The following AIM2 variants were observed in gnomAD, a reference collection of about 807,000 sequenced individuals.
The protein encoded by AIM2 is absent in melanoma 2.
AIM2 carries 30 observed loss-of-function variants against 27.7 expected under a neutral mutation model. The observed-to-expected ratio is 1.08, with a 90% confidence interval of 0.81 to 1.47. The LOEUF (loss-of-function observed/expected upper bound fraction) is 1.47, where lower values mean the gene tolerates loss of function less well. Among genes scored for constraint, AIM2 ranks in the 40% most tolerant of loss-of-function variants. AIM2 has a pLI of 0.00. For missense variants in AIM2, 358 were observed against 411.3 expected (o/e 0.87, Z 1.12); for synonymous variants, 141 against 145.3 (o/e 0.97, Z 0.21).
intron 1 of AIM2, among the ~76,000 whole-genome samples, chr1:159,137,785 G>A (rs989395450): frequency 5.3e-5 from 8 of 152,156 alleles, no homozygotes; most frequent in African/African-American, 1.2e-4. Context: ...AAAGTACTGC[G>A]CATTTTGCAA....
intron 1 of AIM2, among the ~76,000 whole-genome samples, chr1:159,095,531 T>C (rs1322349326): frequency 6.6e-6 from 1 of 152,220 alleles, no homozygotes; most frequent in Non-Finnish European, 1.5e-5. Flanking sequence ...TTTCCCCAGC[T>C]ACGTGCTCAA....
intron 1 of AIM2, chr1:159,146,996 T>A (rs967782937): frequency 6.6e-6 from 1 of 152,256 alleles, no homozygotes; most frequent in African/African-American, 2.4e-5. Context: ...CAGCACCAGA[T>A]TCCTGAGGCT....
chr1:159,111,515 A>G (rs894770033), intron 1 of AIM2, among the ~76,000 whole-genome samples: 1 of 152,202 alleles, frequency 6.6e-6, no homozygotes, highest in East Asian at 1.9e-4. Context: ...TTACACAAAA[A>G]AACTACATCC....
intron 1 of AIM2, among the ~76,000 whole-genome samples, chr1:159,075,095 C>T (rs879733386): frequency 5.9e-5 from 9 of 151,846 alleles, no homozygotes; most frequent in Admixed American, 1.3e-4. Flanking sequence ...ATGGCAGTGG[C>T]GTAGAAAAAA....
At chr1:159,074,461 T>TA (rs962206165) in intron 1 of AIM2, among the ~76,000 whole-genome samples, 2 of 151,968 alleles carry the variant, frequency 1.3e-5, no homozygotes, top group Admixed American at 6.5e-5. Context: ...TTTTTTTTTT[T>TA]ACCTTTGCAA....
intron 1 of AIM2, among the ~76,000 whole-genome samples, chr1:159,114,543 C>T (rs1359671999): frequency 6.6e-6 from 1 of 152,134 alleles, no homozygotes; most frequent in Non-Finnish European, 1.5e-5. Context: ...ATGGCAAAAC[C>T]CTGCCTCTAC....
At chr1:159,055,558 C>A in the AIM2 span, among the ~76,000 whole-genome samples, 1 of 152,204 alleles carries the variant, frequency 6.6e-6, no homozygotes, top group African/African-American at 2.4e-5. Flanking sequence ...TGTGAAATAT[C>A]TGGTTTTATG....
chr1:159,137,054 C>G (rs963572540), intron 1 of AIM2, among the ~76,000 whole-genome samples: 1 of 152,130 alleles, frequency 6.6e-6, no homozygotes, highest in Non-Finnish European at 1.5e-5. Context: ...TGTTCTCTAC[C>G]AACAGATAAA....
chr1:159,123,180 G>T (rs762215882), intron 1 of AIM2, among the ~76,000 whole-genome samples: 7 of 152,072 alleles, frequency 4.6e-5, no homozygotes, highest in Non-Finnish European at 1.0e-4. Context: ...TAGCTTACAA[G>T]CCCTTTAATA....
intron 1 of AIM2, among the ~76,000 whole-genome samples, chr1:159,131,739 T>C (rs1225715920): frequency 6.7e-6 from 1 of 149,198 alleles, no homozygotes; most frequent in East Asian, 2.0e-4. Flanking sequence ...GACTGTTCAA[T>C]AATACTGCTC....
intron 1 of AIM2, among the ~76,000 whole-genome samples, chr1:159,076,294 T>C (rs1656607346): frequency 6.6e-6 from 1 of 152,260 alleles, no homozygotes; most frequent in South Asian, 2.1e-4. Context: ...GAAGTTATGT[T>C]GCCTTATAAA....
chr1:159,111,828 TATC>T (rs1332079229), intron 1 of AIM2, among the ~76,000 whole-genome samples: 9 of 131,814 alleles, frequency 6.8e-5, no homozygotes, highest in African/African-American at 1.5e-4. Context: ...TCTATCTATC[TATC>T]ATCTATCTAT....
chr1:159,107,185 T>G lies in AIM2; in HGVS notation c.-16+33246A>C, dbSNP rs868296871. On this transcript the variant is annotated intron_variant, in intron 1 of 2. Coordinates refer to the AIM2 transcript ENST00000368129. ...TAAACTAGTAAATCGCCATCATCTA[T>G]TAACATCTTGTCTCTTTAGAGCTTG... Among the ~76,000 whole-genome samples the G allele has an allele frequency of 9.8e-5, 15 of 152,330 alleles. 1 individual carries two copies. In the Middle Eastern group the frequency reaches 0.01, roughly 104 times the overall value.
intron 1 of AIM2, among the ~76,000 whole-genome samples, chr1:159,087,715 A>G (rs937688666): frequency 6.6e-6 from 1 of 151,764 alleles, no homozygotes; most frequent in Admixed American, 6.6e-5. Context: ...TTGGATTACA[A>G]GTGCCCACCA....
intron 5 of AIM2, among the ~76,000 whole-genome samples, chr1:159,063,279 G>A (rs1655919718): frequency 1.3e-5 from 2 of 152,160 alleles, no homozygotes; most frequent in Non-Finnish European, 2.9e-5. Flanking sequence ...ATGCGCCTCT[G>A]CCTTGAAAAG....
At chr1:159,099,468 T>A (rs1374432087) in intron 1 of AIM2, among the ~76,000 whole-genome samples, 1 of 152,194 alleles carries the variant, frequency 6.6e-6, no homozygotes, top group Non-Finnish European at 1.5e-5. Context: ...TCAGGATTCA[T>A]TCCACAAGGT....
chr1:159,078,767 A>G (rs1300219870), upstream of AIM2, among the ~76,000 whole-genome samples: 1 of 152,186 alleles, frequency 6.6e-6, no homozygotes. Context: ...TCTCACGGAG[A>G]AAAGTGGGAT....
chr1:159,062,750 A>G, intron 5 of AIM2, 32 bp from the exon 6 acceptor site: 2 of 1,609,436 alleles, frequency 1.2e-6, no homozygotes, highest in Non-Finnish European at 1.7e-6. Context: ...GCAGTCTGAG[A>G]TGCAGTCGAT....
At chr1:159,083,469 T>C (rs1487120886) in intron 1 of AIM2, among the ~76,000 whole-genome samples, 6 of 152,194 alleles carry the variant, frequency 3.9e-5, no homozygotes, top group African/African-American at 1.4e-4. Context: ...TTTATTATCA[T>C]CCTTGTAATA....
Sources: allele counts gnomAD v4.1 joint callset (sites outside exome capture counted in the v4.1 genomes callset), GRCh38; gene constraint gnomAD v4.1.1; transcripts MANE v1.5; gene names NCBI Gene and HGNC (gene_info 2026-07-23, HGNC 2026-07-21).